TESK2: variants seen among roughly 807,000 people sequenced by gnomAD.
The protein encoded by TESK2 is testis associated actin remodelling kinase 2.
A neutral mutation model predicts 57.1 loss-of-function variants in TESK2; 39 were observed. That is an observed-to-expected ratio of 0.68 (90% CI 0.53 to 0.89). TESK2 has a LOEUF of 0.89. TESK2 is among the 40% of genes least tolerant of loss of function. The probability of loss-of-function intolerance (pLI) is 0.00; values close to 1 mark genes in which losing one functional copy is unlikely to be tolerated. For synonymous variants in TESK2, 249 were observed against 267.9 expected (o/e 0.93, Z 0.69); for missense variants, 646 against 732.1 (o/e 0.88, Z 1.36).
Position 45,481,068 on chromosome 1 carries a change from T to C in TESK2, c.-87+9784A>G, listed in dbSNP as rs563590636. Among the ~76,000 whole-genome samples, 40 of 148,832 alleles carry C rather than the reference T, an allele frequency of 2.7e-4. No homozygotes were observed. The South Asian group carries it at 8.2e-3, about 30-fold the overall frequency. On this transcript the variant is annotated intron_variant, in intron 1 of 10. Transcript: ENST00000372086. ...CTGATCTGGAAAGGTCTCTAAGATA[T>C]ATAAAGTAAATAAGCGGCCGGGCCT...
In TESK2 at chr1:45,484,632, T is replaced by C. The variant is rs139770600; in HGVS notation, c.-87+6220A>G. On this transcript the variant is annotated intron_variant, in intron 1 of 10. Coordinates refer to ENST00000372086, the MANE Select transcript of TESK2 (RefSeq NM_007170.3). Reference sequence around the variant, plus strand: ...ACGGCTACTCAGCTACTCAGGAGGCTGAGGCTGGAGAATCGCTTCAACCCG... The same window carrying C: ...ACGGCTACTCAGCTACTCAGGAGGCCGAGGCTGGAGAATCGCTTCAACCCG... 2.8e-3 allele frequency among the ~76,000 whole-genome samples: 432 copies of C among 151,754 alleles called. 1 individual carries two copies. Among genetic ancestry groups the C allele is most frequent in the East Asian group, 0.017 (89 of 5,088 alleles).
intron 3 of TESK2, among the ~76,000 whole-genome samples, chr1:45,411,704 T>A (rs1370676479): frequency 6.6e-6 from 1 of 152,096 alleles, no homozygotes; most frequent in African/African-American, 2.4e-5. Context: ...CCCACCAAAT[T>A]GTCCATAAAA....
chr1:45,460,739 A>T (rs1652300196), intron 1 of TESK2, among the ~76,000 whole-genome samples: 1 of 152,058 alleles, frequency 6.6e-6, no homozygotes, highest in Non-Finnish European at 1.5e-5. Context: ...AGACTAGGCA[A>T]CACAGCAAGA....
chr1:45,391,725 G>C (rs189444669), intron 3 of TESK2, among the ~76,000 whole-genome samples: 3 of 152,076 alleles, frequency 2.0e-5, no homozygotes, highest in Admixed American at 2.0e-4. Flanking sequence ...TCTCCTGGAC[G>C]CCCTTAGCAT....
At chr1:45,376,002 A>T (rs951911303) in intron 4 of TESK2, among the ~76,000 whole-genome samples, 1 of 152,138 alleles carries the variant, frequency 6.6e-6, no homozygotes, top group Admixed American at 6.5e-5. Context: ...TGTCACAGGG[A>T]GTTACTAAAA....
intron 3 of TESK2, among the ~76,000 whole-genome samples, chr1:45,411,841 C>T (rs983826151): frequency 6.6e-6 from 1 of 152,212 alleles, no homozygotes; most frequent in African/African-American, 2.4e-5. Flanking sequence ...TTGATTTTGT[C>T]TGTGCAGCTG....
intron 3 of TESK2, chr1:45,415,253 G>A: frequency 6.9e-7 from 1 of 1,439,758 alleles, no homozygotes; most frequent in African/African-American, 1.4e-5. Flanking sequence ...GTGAAAGAAG[G>A]CATGAATATT....
At position 45,418,332 on chromosome 1, in the gene TESK2, C is replaced by T. The variant is rs76386910; in HGVS notation, c.344+3393G>A. On this transcript the variant is annotated intron_variant, in intron 3 of 10. Coordinates refer to ENST00000372086, the MANE Select transcript of TESK2 (RefSeq NM_007170.3). ...CTCAAACATGGTGGAAGCCCCCTAACTGATCTCTTTGCTACCAGTCTCTCT... is the reference window on the plus strand; with the variant it reads ...CTCAAACATGGTGGAAGCCCCCTAATTGATCTCTTTGCTACCAGTCTCTCT... Among the ~76,000 whole-genome samples, 528 of 152,332 alleles carry T rather than the reference C, an allele frequency of 3.5e-3. 7 individuals carry two copies. The highest frequency in any genetic ancestry group is 0.031 in the East Asian group (162 of 5,192).
intron 1 of TESK2, among the ~76,000 whole-genome samples, chr1:45,484,464 G>C (rs773961947): frequency 6.6e-6 from 1 of 152,112 alleles, no homozygotes; most frequent in South Asian, 2.1e-4. Flanking sequence ...GGCCGAACGC[G>C]GTGGCTCATG....
At chr1:45,398,881 G>A (rs1433855850) in intron 3 of TESK2, 1 of 410,524 alleles carries the variant, frequency 2.4e-6, no homozygotes, top group Non-Finnish European at 4.7e-6. Flanking sequence ...TCCTTCATCT[G>A]CCAGCAGATG....
Position 45,344,920 on chromosome 1 carries a change from C to A in TESK2, c.1636G>T (p.Glu546Ter), listed in dbSNP as rs754900158. The A allele has an allele frequency of 3.7e-6, 6 of 1,614,202 alleles. No homozygotes were observed. The South Asian group carries it at 4.4e-5, about 12-fold the overall frequency. ...GCTGGAGTTGAGCCTGCTGGCCTTT[C>A]TTCTACCTCCATCTCCTCAGAAGCA... ...AGASEEMEVE[E>*]RPAGSTPATF... Residue 546 changes from glutamate (E) to a stop codon, truncating the protein, a stop_gained, in exon 11 of 11, where the codon GAA (glutamate) becomes TAA (stop). Coordinates refer to ENST00000372086, the MANE Select transcript of TESK2 (RefSeq NM_007170.3). LOFTEE classifies it high-confidence loss of function.
chr1:45,477,003 T>C (rs941817635), intron 1 of TESK2, among the ~76,000 whole-genome samples: 1 of 146,904 alleles, frequency 6.8e-6, no homozygotes, highest in African/African-American at 2.5e-5. Flanking sequence ...GTTCTTACTA[T>C]GTTGACTAGA....
At chr1:45,397,718 A>G (rs555132010) in intron 3 of TESK2, among the ~76,000 whole-genome samples, 1 of 152,256 alleles carries the variant, frequency 6.6e-6, no homozygotes, top group Non-Finnish European at 1.5e-5. Context: ...ACTTCTAAAT[A>G]TGTCCTGAAT....
intron 3 of TESK2, among the ~76,000 whole-genome samples, chr1:45,415,517 T>G (rs1557563994): frequency 1.3e-5 from 2 of 152,200 alleles, no homozygotes; most frequent in South Asian, 4.1e-4. Flanking sequence ...GATTGCAGAG[T>G]TAAGTTTATG....
rs928385172 is a variant in TESK2, at chr1:45,483,092, A to C, written c.-87+7760T>G. Among the ~76,000 whole-genome samples, 4 of 150,956 alleles carry C rather than the reference A, an allele frequency of 2.6e-5. No individual in the cohort carries two copies. In the South Asian group the frequency reaches 6.3e-4, roughly 24 times the overall value. On this transcript the variant is annotated intron_variant, in intron 1 of 10. Transcript: ENST00000372086. ...CAGGAGATCAAGACCATCCTGGCTA[A>C]CACGGCGAAACCCCATCTCTACTAA...
chr1:45,344,318 G>A lies in TESK2; in HGVS notation c.*522C>T, dbSNP rs1286509841. ...TCCCCTTGCATAGAAATGTAGTGAC[G>A]TGGTCTGACCATGCAGTAAGTGCAA... On this transcript the variant is annotated 3_prime_UTR_variant, in exon 11 of 11. Coordinates refer to ENST00000372086, the MANE Select transcript of TESK2 (RefSeq NM_007170.3). The A allele has an allele frequency of 6.3e-6, 1 of 159,942 alleles. No individual in the cohort carries two copies. Among genetic ancestry groups the A allele is most frequent in the Non-Finnish European group, 1.4e-5 (1 of 72,418 alleles). The allele number at this position is 159,942 out of a possible 1,614,324, so 9.9% of individuals were successfully genotyped here.
chr1:45,417,913 A>G (rs1022561673), intron 3 of TESK2, among the ~76,000 whole-genome samples: 1 of 152,128 alleles, frequency 6.6e-6, no homozygotes, highest in Non-Finnish European at 1.5e-5. Context: ...TAGTAGTTTT[A>G]CAGTTTCAGG....
At chr1:45,386,364 A>G (rs1336418913) in intron 3 of TESK2, among the ~76,000 whole-genome samples, 6 of 148,918 alleles carry the variant, frequency 4.0e-5, no homozygotes, top group Non-Finnish European at 5.9e-5. Flanking sequence ...AAAAAAAAAA[A>G]AGAGACTGCA....
rs533122222 is a variant in TESK2 at position 45,382,497 on chromosome 1, T to C, written c.393+3415A>G. ...CAAGCAATCTGCCCACCTTGGCCTC[T>C]GGAAGTGTTGGGATTACAGGCGTGA... On this transcript the variant is annotated intron_variant, in intron 4 of 10. Transcript: ENST00000372086. Among the ~76,000 whole-genome samples, 9 of 152,326 alleles carry C rather than the reference T, an allele frequency of 5.9e-5. No homozygotes were observed. In the South Asian group the frequency reaches 1.5e-3, roughly 25 times the overall value.
Sources: allele counts gnomAD v4.1 joint callset (sites outside exome capture counted in the v4.1 genomes callset), GRCh38; gene constraint gnomAD v4.1.1; transcripts MANE v1.5; gene names NCBI Gene and HGNC (gene_info 2026-07-23, HGNC 2026-07-21).